The following DNAH17 variants were observed in gnomAD, a reference collection of about 807,000 sequenced individuals.
The protein encoded by DNAH17 is dynein axonemal heavy chain 17.
Under a neutral mutation model 485.6 loss-of-function variants are expected in DNAH17, and 376 were observed. The observed-to-expected ratio is 0.77, with a 90% CI of 0.71 to 0.84. The LOEUF (loss-of-function observed/expected upper bound fraction) is 0.84, where lower values mean the gene tolerates loss of function less well. Ranked by LOEUF, DNAH17 falls within the 40% of genes least tolerant of loss-of-function variation. DNAH17 has a pLI of 0.00. For synonymous variants in DNAH17, 3,031 were observed against 2,405.9 expected, an observed-to-expected ratio of 1.26 and a Z score of -7.60; for missense variants, 6,370 against 5,839.3, an observed-to-expected ratio of 1.09 and a Z score of -2.96.
At chr17:78,572,125 G>C (rs2092367244) in intron 3 of DNAH17, among the ~76,000 whole-genome samples, 1 of 152,176 alleles carries the variant, frequency 6.6e-6, no homozygotes, top group African/African-American at 2.4e-5. Flanking sequence ...GGGGCTTTGT[G>C]AATGATCAGT....
At chr17:78,457,070 GT>G (rs1482432795) in intron 62 of DNAH17, among the ~76,000 whole-genome samples, 20 of 152,214 alleles carry the variant, frequency 1.3e-4, no homozygotes, top group African/African-American at 4.8e-4. Flanking sequence ...GATGTGCTCT[GT>G]GTTAAAAGGC....
rs370092855 is a variant in DNAH17 at position 78,453,479 on chromosome 17, A to C, written c.10407-14T>G. On this transcript the variant is annotated splice_polypyrimidine_tract_variant and intron_variant, in intron 64 of 80. Transcript: ENST00000389840. ...ACATCCAGGTAGCTGCGGGCACAACACGGAAGCTGGTTCATGGCAGAGGGC... is the reference window on the plus strand; with the variant it reads ...ACATCCAGGTAGCTGCGGGCACAACCCGGAAGCTGGTTCATGGCAGAGGGC... 1.3e-5 allele frequency: 21 copies of C among 1,613,440 alleles called. No individual in the cohort carries two copies. The African/African-American group carries it at 2.3e-4, about 17-fold the overall frequency.
At position 78,441,037 on chromosome 17, in the gene DNAH17, C is replaced by G; in HGVS notation, c.11677+14G>C. On this transcript the variant is annotated intron_variant, in intron 72 of 80. Coordinates refer to ENST00000389840, the MANE Select transcript of DNAH17 (RefSeq NM_173628.4). ...ACTCCGTCTTTGAGAACATCACTTGCCTGCTACACTTACCCAGGGCTTCCA... is the reference window on the plus strand; with the variant it reads ...ACTCCGTCTTTGAGAACATCACTTGGCTGCTACACTTACCCAGGGCTTCCA... The G allele has an allele frequency of 1.9e-6, 3 of 1,565,278 alleles. No individual in the cohort carries two copies.
chr17:78,471,733 C>T (rs951557910), intron 54 of DNAH17, among the ~76,000 whole-genome samples: 2 of 152,080 alleles, frequency 1.3e-5, no homozygotes, highest in East Asian at 1.9e-4. Context: ...TATGGAGTGG[C>T]CCTTACCCTG....
At position 78,507,282 on chromosome 17, in the gene DNAH17, T is replaced by TC; in HGVS notation, c.4671dup (p.Lys1558GlufsTer7). On this transcript the variant is annotated frameshift_variant, in exon 29 of 81. Coordinates refer to ENST00000389840, the MANE Select transcript of DNAH17 (RefSeq NM_173628.4). LOFTEE classifies it high-confidence loss of function. ...CTGGATAGGTGTGAGCCGCACCTCT[T>TC]CTTCAGGGCCTCCAGTTTATTGTAG... The TC allele has an allele frequency of 6.2e-7, 1 of 1,613,934 alleles. No individual in the cohort carries two copies. The highest frequency in any genetic ancestry group is 1.1e-5 in the South Asian group (1 of 91,074).
At chr17:78,460,385 CATAT>C (rs1360659767) in intron 58 of DNAH17, 128 bp from the exon 59 acceptor site, 4 of 755,016 alleles carry the variant, frequency 5.3e-6, no homozygotes, top group Admixed American at 4.8e-5. Flanking sequence ...TGTATGTGTG[CATAT>C]ATGTGCATGA....
At chr17:78,425,617 A>G (rs1178113734) in intron 79 of DNAH17, 46 bp from the exon 80 acceptor site, 3 of 1,523,536 alleles carry the variant, frequency 2.0e-6, no homozygotes, top group Middle Eastern at 2.1e-4. Flanking sequence ...ATAGAATGAC[A>G]TGGGAACGAC....
At chr17:78,522,651 G>A (rs966944675) in intron 25 of DNAH17, 9 of 215,006 alleles carry the variant, frequency 4.2e-5, no homozygotes, top group Non-Finnish European at 8.7e-5. Context: ...GCTGCTGGCC[G>A]GCTGCTTCCT....
At chr17:78,457,743 C>T (rs2087880401) in intron 62 of DNAH17, among the ~76,000 whole-genome samples, 1 of 150,200 alleles carries the variant, frequency 6.7e-6, no homozygotes, top group Non-Finnish European at 1.5e-5. Flanking sequence ...TCACTGCAAC[C>T]TCCGCCTCCT....
At chr17:78,479,756 A>G (rs1012336540) in intron 49 of DNAH17, 124 bp from the exon 50 acceptor site, 1 of 1,333,636 alleles carries the variant, frequency 7.5e-7, no homozygotes, top group Admixed American at 2.3e-5. Context: ...CATTGTCAGA[A>G]TGGGCAGTTA....
chr17:78,479,675 G>A (rs766078882), intron 49 of DNAH17, 43 bp from the exon 50 acceptor site: 1 of 1,606,556 alleles, frequency 6.2e-7, no homozygotes, highest in Non-Finnish European at 8.5e-7. Flanking sequence ...CAGCTCTTGG[G>A]GACCTGCCTG....
At chr17:78,477,889 TCATCACCACCATCATCATTACCACATCAC>T (rs1300959218) in intron 51 of DNAH17, among the ~76,000 whole-genome samples, 1 of 151,038 alleles carries the variant, frequency 6.6e-6, no homozygotes, top group Non-Finnish European at 1.5e-5. Flanking sequence ...ACCATCGCTA[TCATCACCACCATCATCATTACCACATCAC>T]CATCACCACC....
At chr17:78,526,460 A>G (rs1035029458) in intron 24 of DNAH17, among the ~76,000 whole-genome samples, 191 bp downstream of exon 24, 3 of 152,114 alleles carry the variant, frequency 2.0e-5, no homozygotes, top group South Asian at 4.1e-4. Flanking sequence ...CTCGGTTTGC[A>G]TGTTCACGTA....
At chr17:78,428,397 G>T in intron 77 of DNAH17, 128 bp downstream of exon 77, 3 of 1,181,754 alleles carry the variant, frequency 2.5e-6, no homozygotes, top group Non-Finnish European at 3.7e-6. Flanking sequence ...TGATACCCAA[G>T]CCCAAGGCTG....
At chr17:78,477,362 C>G (rs1462824104) in intron 51 of DNAH17, among the ~76,000 whole-genome samples, 1 of 149,210 alleles carries the variant, frequency 6.7e-6, no homozygotes, top group Non-Finnish European at 1.5e-5. Context: ...GGCATTTGGG[C>G]TGATACTTTA....
chr17:78,570,875 A>G (rs1379573039), intron 6 of DNAH17, 73 bp downstream of exon 6: 230 of 804,092 alleles, frequency 2.9e-4, no homozygotes, highest in African/African-American at 3.0e-4. Flanking sequence ...AAAAAAAAAA[A>G]AAAGAAAAAA....
chr17:78,534,909 C>T (rs986892463), intron 19 of DNAH17, among the ~76,000 whole-genome samples: 3 of 152,190 alleles, frequency 2.0e-5, no homozygotes, highest in Admixed American at 1.3e-4. Flanking sequence ...CCCTTGGGTA[C>T]TCTCTGCCAC....
intron 25 of DNAH17, among the ~76,000 whole-genome samples, chr17:78,520,959 C>T (rs2090919024): frequency 1.3e-5 from 2 of 152,150 alleles, no homozygotes. Flanking sequence ...AGGAATCGCT[C>T]TGATAACAAA....
chr17:78,424,269 A>T (rs924904853), intron 80 of DNAH17, 116 bp from the exon 81 acceptor site: 3 of 1,352,134 alleles, frequency 2.2e-6, no homozygotes, highest in African/African-American at 2.9e-5. Context: ...CTCTACCCCA[A>T]AAGGCTTCAG....
Sources: gnomAD v4.1 joint callset for allele counts (sites outside exome capture counted in the v4.1 genomes callset) on GRCh38, gnomAD v4.1.1 for gene constraint, MANE v1.5 for transcripts, NCBI Gene and HGNC (gene_info 2026-07-23, HGNC 2026-07-21) for gene names.